The following PGAP1 variants were observed in gnomAD, a reference collection of about 807,000 sequenced individuals.
The protein encoded by PGAP1 is post-GPI attachment to proteins inositol deacylase 1.
PGAP1 carries 76 observed loss-of-function variants against 127.0 expected under a neutral mutation model. The ratio of observed to expected loss-of-function variants is 0.60; its 90% CI spans 0.50 to 0.72. The LOEUF (loss-of-function observed/expected upper bound fraction) is 0.72. Among genes scored for constraint, PGAP1 ranks in the 30% least tolerant of loss-of-function variants. The pLI is 0.00. For missense variants in PGAP1, 982 were observed against 1,071.3 expected (o/e 0.92, Z 1.16); for synonymous variants, 362 against 366.5 (o/e 0.99, Z 0.14).
At position 196,839,556 on chromosome 2, in the gene PGAP1, A is replaced by C. The variant is rs1001825606; in HGVS notation, c.*1678T>G. The C allele has an allele frequency of 2.0e-5, 3 of 152,230 alleles. No homozygotes were observed. The highest frequency in any genetic ancestry group is 7.2e-5 in the African/African-American group (3 of 41,452). The allele number at this position is 152,230 out of a possible 1,614,324, so 9.4% of individuals were successfully genotyped here. ...TCATTTCCCTTTAATGTTCTCAGTA[A>C]GTTAAAATATGAATACTGAAAAACA... is the stretch of plus-strand genomic sequence containing the variant. On this transcript the variant is annotated 3_prime_UTR_variant, in exon 27 of 27. Coordinates refer to ENST00000354764, the MANE Select transcript of PGAP1 (RefSeq NM_024989.4).
intron 23 of PGAP1, among the ~76,000 whole-genome samples, chr2:196,845,172 G>A (rs1356791497): frequency 6.6e-6 from 1 of 151,746 alleles, no homozygotes; most frequent in East Asian, 1.9e-4. Flanking sequence ...CAAAGTAGCT[G>A]TAAATAATTT....
intron 20 of PGAP1, among the ~76,000 whole-genome samples, chr2:196,851,981 C>T (rs115131911): frequency 0.016 from 2,392 of 152,204 alleles, 24 homozygotes; most frequent in Non-Finnish European, 0.023. Flanking sequence ...TAATATTTTA[C>T]GTGATCTGCA....
chr2:196,901,117 T>C (rs1402895803), intron 5 of PGAP1, among the ~76,000 whole-genome samples: 2 of 152,206 alleles, frequency 1.3e-5, no homozygotes, highest in African/African-American at 2.4e-5. Context: ...TACATCAAAT[T>C]TCATATGACT....
chr2:196,896,333 T>C (rs1017731914), intron 7 of PGAP1, among the ~76,000 whole-genome samples: 4 of 152,084 alleles, frequency 2.6e-5, no homozygotes, highest in African/African-American at 4.8e-5. Context: ...AAAGCTAAAG[T>C]GGTTTTTAAA....
At chr2:196,925,742 G>A (rs570779253) in intron 1 of PGAP1, among the ~76,000 whole-genome samples, 17 of 152,256 alleles carry the variant, frequency 1.1e-4, no homozygotes, top group South Asian at 4.2e-4. Flanking sequence ...ACTATTAAGA[G>A]GCTCGGCTGC....
chr2:196,856,095 C>T (rs910784942), intron 20 of PGAP1, among the ~76,000 whole-genome samples: 1 of 152,154 alleles, frequency 6.6e-6, no homozygotes, highest in Non-Finnish European at 1.5e-5. Context: ...CTCACTGAAA[C>T]TTCTGCCTCC....
chr2:196,870,923 G>T lies in PGAP1; in HGVS notation c.1767+18C>A. On this transcript the variant is annotated intron_variant, in intron 19 of 26. Coordinates refer to ENST00000354764, the MANE Select transcript of PGAP1 (RefSeq NM_024989.4). ...TCATAAAGCAGTAAATAATCAACCA[G>T]CCAGGAATCTCTCTTACCTGTCCAA... 1 of 1,597,424 alleles carries T rather than the reference G, an allele frequency of 6.3e-7. No homozygotes were observed. The highest frequency in any genetic ancestry group is 8.6e-7 in the Non-Finnish European group (1 of 1,166,156).
chr2:196,847,315 T>C, intron 21 of PGAP1, 115 bp from the exon 22 acceptor site: 4 of 751,770 alleles, frequency 5.3e-6, no homozygotes, highest in Non-Finnish European at 8.5e-6. Flanking sequence ...ATACTTAATT[T>C]ATAATTATAC....
intron 19 of PGAP1, among the ~76,000 whole-genome samples, chr2:196,869,906 A>G (rs1701359721): frequency 6.6e-6 from 1 of 152,232 alleles, no homozygotes; most frequent in Non-Finnish European, 1.5e-5. Flanking sequence ...ACAAAATTCT[A>G]CTATGCCTGC....
intron 7 of PGAP1, among the ~76,000 whole-genome samples, chr2:196,894,951 T>C (rs1254903222): frequency 6.6e-6 from 1 of 152,210 alleles, no homozygotes; most frequent in African/African-American, 2.4e-5. Flanking sequence ...TCCTGCCTTA[T>C]CACCATGCTT....
intron 4 of PGAP1, among the ~76,000 whole-genome samples, chr2:196,911,757 G>T (rs1279494278): frequency 6.6e-6 from 1 of 151,852 alleles, no homozygotes; most frequent in African/African-American, 2.4e-5. Flanking sequence ...GATAATCTCT[G>T]GCTTTTTTTA....
rs374462400 is a variant in PGAP1 at position 196,873,591 on chromosome 2, T to G, written c.1501-12A>C. The G allele has an allele frequency of 1.2e-6, 2 of 1,610,090 alleles. No homozygotes were observed. Among genetic ancestry groups the G allele is most frequent in the Non-Finnish European group, 1.7e-6 (2 of 1,177,180 alleles). On this transcript the variant is annotated splice_polypyrimidine_tract_variant and intron_variant, in intron 15 of 26. Transcript: ENST00000354764. ...AAAGCTTGGTATATCTAATAGAGTT[T>G]GACCACAAAAACAAAATATAAAGGT...
At chr2:196,913,807 G>T (rs1702914638) in intron 3 of PGAP1, among the ~76,000 whole-genome samples, 1 of 152,162 alleles carries the variant, frequency 6.6e-6, no homozygotes, top group Non-Finnish European at 1.5e-5. Context: ...CTGGAATCTG[G>T]AACCTTATAC....
chr2:196,900,926 C>CA lies in PGAP1; in HGVS notation c.807+1658dup, dbSNP rs1435423799. On this transcript the variant is annotated intron_variant, in intron 5 of 26. Coordinates refer to ENST00000354764, the MANE Select transcript of PGAP1 (RefSeq NM_024989.4). ...TGGGCTACAGAGCGAGACTCCGTCT[C>CA]AAAAAAAAAGAAAAAAAAAGAAAGC... 2.4e-3 allele frequency among the ~76,000 whole-genome samples: 339 copies of CA among 142,348 alleles called. 2 individuals are homozygous for CA. The highest frequency in any genetic ancestry group is 8.0e-3 in the African/African-American group (305 of 38,322). The allele number at this position is 142,348 out of a possible 152,430, so 93.4% of individuals were successfully genotyped here.
intron 19 of PGAP1, among the ~76,000 whole-genome samples, chr2:196,866,022 A>G (rs891393113): frequency 6.6e-6 from 1 of 152,226 alleles, no homozygotes; most frequent in South Asian, 2.1e-4. Flanking sequence ...AGGAAGAATC[A>G]ATATCATAAA....
rs941526569 is a variant in PGAP1 at position 196,836,051 on chromosome 2, G to A, written c.*5183C>T. ...CTTTTAGTCTTCCTAAACTAAAATC[G>A]GAATTCAAATACGCAAACAAATCTA... is the stretch of plus-strand genomic sequence containing the variant. On this transcript the variant is annotated 3_prime_UTR_variant, in exon 27 of 27. Coordinates refer to ENST00000354764, the MANE Select transcript of PGAP1 (RefSeq NM_024989.4). 6.6e-6 allele frequency: 1 copy of A among 151,120 alleles called. No homozygotes were observed. Among genetic ancestry groups the A allele is most frequent in the African/African-American group, 2.4e-5 (1 of 41,076 alleles). The allele number at this position is 151,120 out of a possible 1,614,324, so 9.4% of individuals were successfully genotyped here. A position where few individuals can be genotyped will look rare whatever the true frequency, so the allele number is the denominator to read the frequency against.
chr2:196,892,043 A>G (rs1702115949), intron 9 of PGAP1, among the ~76,000 whole-genome samples: 1 of 152,074 alleles, frequency 6.6e-6, no homozygotes, highest in Non-Finnish European at 1.5e-5. Context: ...TCAAGAAAAA[A>G]AAGGGGAGAG....
At chr2:196,848,614 A>G (rs1228777155) in intron 20 of PGAP1, among the ~76,000 whole-genome samples, 1 of 152,178 alleles carries the variant, frequency 6.6e-6, no homozygotes, top group Non-Finnish European at 1.5e-5. Context: ...CCATGTTGTA[A>G]CATATACCAG....
intron 18 of PGAP1, 90 bp downstream of exon 18, chr2:196,872,351 T>C (rs2125799714): frequency 2.4e-6 from 2 of 843,246 alleles, no homozygotes; most frequent in Non-Finnish European, 3.7e-6. Flanking sequence ...TTGGCTTCCA[T>C]GCCACCATAT....
Sources: gnomAD v4.1 joint callset for allele counts (sites outside exome capture counted in the v4.1 genomes callset) on GRCh38, gnomAD v4.1.1 for gene constraint, MANE v1.5 for transcripts, NCBI Gene and HGNC (gene_info 2026-07-23, HGNC 2026-07-21) for gene names.